Variants in EGFLAM observed in about 807,000 individuals in gnomAD.
The protein encoded by EGFLAM is EGF like, fibronectin type III and laminin G domains.
In EGFLAM, 79 loss-of-function variants were observed where a neutral mutation model predicts 113.1. The ratio of observed to expected loss-of-function variants is 0.70; its 90% CI spans 0.58 to 0.84. EGFLAM has a LOEUF of 0.84. EGFLAM is among the 40% of genes least tolerant of loss of function. The pLI, the probability that EGFLAM is intolerant of heterozygous loss-of-function variation, is 0.00. For synonymous variants in EGFLAM, 504 were observed against 487.6 expected (o/e 1.03, Z -0.44); for missense variants, 1,265 against 1,291.6 (o/e 0.98, Z 0.32).
chr5:38,417,359 A>AC lies in EGFLAM; in HGVS notation c.1495-707_1495-706insC, dbSNP rs1452322032. ...CGAGACTCTGTCTCAAAAAAAAAAA[A>AC]AAAAAAAAAACAAAAAAAAAAGGCC... On this transcript the variant is annotated intron_variant, in intron 11 of 21. Transcript: ENST00000322350. Among the ~76,000 whole-genome samples, 341 of 149,378 alleles carry AC rather than the reference A, an allele frequency of 2.3e-3. 2 individuals carry two copies. Among genetic ancestry groups the AC allele is most frequent in the African/African-American group, 8.3e-3 (328 of 39,484 alleles).
intron 11 of EGFLAM, among the ~76,000 whole-genome samples, chr5:38,414,030 C>T (rs73749228): frequency 0.15 from 23,548 of 152,138 alleles, 1,916 homozygotes; most frequent in East Asian, 0.24. Flanking sequence ...CCTTCTGCTG[C>T]GCACCCTGCT....
intron 1 of EGFLAM, among the ~76,000 whole-genome samples, chr5:38,275,066 A>C (rs1383108249): frequency 1.3e-5 from 2 of 152,186 alleles, no homozygotes; most frequent in Admixed American, 1.3e-4. Flanking sequence ...ACTCGTGGTA[A>C]CCACAGAGCA....
rs142591243 is a variant in EGFLAM, at chr5:38,354,076, T to G, written c.545+1745T>G. Among the ~76,000 whole-genome samples the G allele has an allele frequency of 4.3e-4, 66 of 152,294 alleles. 1 individual carries two copies. The East Asian group carries it at 0.012, about 28-fold the overall frequency. ...AACCTGGTGTATGTGGATTGAGTATTCAAGAGGATTGGACCCTCAAAGGAA... is the reference window on the plus strand; with the variant it reads ...AACCTGGTGTATGTGGATTGAGTATGCAAGAGGATTGGACCCTCAAAGGAA... On this transcript the variant is annotated intron_variant, in intron 5 of 21. Coordinates refer to ENST00000322350, the MANE Select transcript of EGFLAM (RefSeq NM_152403.4).
rs1202365860 is a variant in EGFLAM, at chr5:38,413,217, T to TA, written c.1494+570dup. Among the ~76,000 whole-genome samples the TA allele has an allele frequency of 3.1e-3, 431 of 140,868 alleles. 1 individual carries two copies. The highest frequency in any genetic ancestry group is 0.011 in the African/African-American group (403 of 37,056). 92.4% of individuals were successfully genotyped at this position (140,868 alleles called of 152,430 possible). ...TTTTTTTTTTTTTTTTTTGTAGAGT[T>TA]AGAGTTTCACTGTGTTGCCCAGGCT... On this transcript the variant is annotated intron_variant, in intron 11 of 21. Transcript: ENST00000322350.
chr5:38,446,464 G>A (rs1188005923), intron 17 of EGFLAM, among the ~76,000 whole-genome samples: 3 of 151,556 alleles, frequency 2.0e-5, no homozygotes, highest in African/African-American at 4.9e-5. Context: ...CTCCTTTCCC[G>A]TCCTCTTGCC....
At chr5:38,378,422 T>C (rs995775093) in intron 6 of EGFLAM, among the ~76,000 whole-genome samples, 3 of 152,136 alleles carry the variant, frequency 2.0e-5, no homozygotes, top group African/African-American at 7.2e-5. Context: ...AGATTTCCCT[T>C]ATCCCTGTTC....
chr5:38,426,488 C>G (rs534911992), intron 13 of EGFLAM, among the ~76,000 whole-genome samples: 43 of 152,180 alleles, frequency 2.8e-4, no homozygotes, highest in African/African-American at 1.0e-3. Flanking sequence ...CCTAAGATAC[C>G]ATATTGGGGA....
chr5:38,335,701 G>A (rs968184298), intron 1 of EGFLAM, among the ~76,000 whole-genome samples: 1 of 152,152 alleles, frequency 6.6e-6, no homozygotes, highest in Non-Finnish European at 1.5e-5. Context: ...ATGGGGCAGA[G>A]GGGAGCTGAC....
At chr5:38,453,711 G>A (rs915874087) in intron 19 of EGFLAM, among the ~76,000 whole-genome samples, 4 of 152,224 alleles carry the variant, frequency 2.6e-5, no homozygotes, top group South Asian at 4.2e-4. Flanking sequence ...TGGTTTTCCT[G>A]TGGTTAACCT....
intron 15 of EGFLAM, among the ~76,000 whole-genome samples, chr5:38,434,895 C>T (rs984021780): frequency 6.6e-6 from 1 of 152,124 alleles, no homozygotes; most frequent in Non-Finnish European, 1.5e-5. Flanking sequence ...ACAATGACTC[C>T]CATTTTGCAG....
chr5:38,347,806 G>A (rs1330447559), intron 3 of EGFLAM, among the ~76,000 whole-genome samples: 2 of 152,276 alleles, frequency 1.3e-5, no homozygotes, highest in East Asian at 3.9e-4. Flanking sequence ...AAGATAAGTA[G>A]TATAGCACTG....
intron 1 of EGFLAM, among the ~76,000 whole-genome samples, chr5:38,322,670 G>A (rs1288324938): frequency 6.6e-6 from 1 of 152,132 alleles, no homozygotes; most frequent in East Asian, 1.9e-4. Flanking sequence ...AATTACACTT[G>A]GGAATGATGG....
rs70978880 is a variant in EGFLAM at position 38,333,916 on chromosome 5, G to GTTTTTTTTTT, written c.98-3589_98-3580dup. On this transcript the variant is annotated intron_variant, in intron 1 of 21. Coordinates refer to ENST00000322350, the MANE Select transcript of EGFLAM (RefSeq NM_152403.4). ...TGTCTGTTTATTTTTATTGTTGAGG[G>GTTTTTTTTTT]TTTTTTTTTTTTTTTTTTTTTTTTG... Among the ~76,000 whole-genome samples the GTTTTTTTTTT allele has an allele frequency of 3.1e-4, 9 of 29,308 alleles. 1 individual carries two copies. The highest frequency in any genetic ancestry group is 1.3e-3 in the African/African-American group (8 of 6,254). 19.2% of individuals were successfully genotyped at this position (29,308 alleles called of 152,430 possible). A position where few individuals can be genotyped will look rare whatever the true frequency, so the allele number is the denominator to read the frequency against.
At position 38,269,639 on chromosome 5, in the gene EGFLAM, G is replaced by A. The variant is rs558805097; in HGVS notation, c.97+10788G>A. 2.0e-4 allele frequency among the ~76,000 whole-genome samples: 30 copies of A among 151,986 alleles called. 1 individual carries two copies. The South Asian group carries it at 4.8e-3, about 24-fold the overall frequency. The stretch of plus-strand genomic sequence containing the variant: ...CGAGTAGCTGGGACTACAGGTGCGC[G>A]CCACCATGCCCAGCTAATTTTTTAT... On this transcript the variant is annotated intron_variant, in intron 1 of 21. Coordinates refer to ENST00000322350, the MANE Select transcript of EGFLAM (RefSeq NM_152403.4).
At chr5:38,400,397 G>A (rs149104062) in intron 6 of EGFLAM, among the ~76,000 whole-genome samples, 25 of 152,152 alleles carry the variant, frequency 1.6e-4, no homozygotes, top group African/African-American at 5.1e-4. Context: ...TCTAATAAAT[G>A]TCTCCTTTTT....
chr5:38,425,120 T>C (rs1361965680), intron 13 of EGFLAM, 28 bp downstream of exon 13: 14 of 1,608,002 alleles, frequency 8.7e-6, no homozygotes, highest in Non-Finnish European at 1.2e-5. Context: ...TGAAGGCGGT[T>C]TCTATCTGCA....
intron 11 of EGFLAM, among the ~76,000 whole-genome samples, chr5:38,416,321 AG>A (rs1379011340): frequency 1.3e-5 from 2 of 152,228 alleles, no homozygotes; most frequent in Admixed American, 1.3e-4. Context: ...GGAGACGGAC[AG>A]GGAAGAAGAG....
Position 38,451,211 on chromosome 5 carries a change from C to A in EGFLAM, c.2544-104C>A, listed in dbSNP as rs546146055. On this transcript the variant is annotated intron_variant, in intron 18 of 21. Coordinates refer to ENST00000322350, the MANE Select transcript of EGFLAM (RefSeq NM_152403.4). Reference sequence around the variant, plus strand: ...GAAGTAAGTGTCAGAAAGTGCCAGACTATCCTTACATCTGGTTCCTCAGGG... The same window carrying A: ...GAAGTAAGTGTCAGAAAGTGCCAGAATATCCTTACATCTGGTTCCTCAGGG... 9.4e-6 allele frequency: 14 copies of A among 1,484,944 alleles called. 1 individual carries two copies. In the South Asian group the frequency reaches 1.7e-4, roughly 18 times the overall value. The allele number at this position is 1,484,944 out of a possible 1,614,324, so 92.0% of individuals were successfully genotyped here.
intron 1 of EGFLAM, among the ~76,000 whole-genome samples, chr5:38,294,372 T>A (rs1296440807): frequency 6.6e-6 from 1 of 152,194 alleles, no homozygotes; most frequent in Non-Finnish European, 1.5e-5. Flanking sequence ...TATATATACC[T>A]TGCTTACTAT....
Sources: allele counts gnomAD v4.1 joint callset (sites outside exome capture counted in the v4.1 genomes callset), GRCh38; gene constraint gnomAD v4.1.1; transcripts MANE v1.5; gene names NCBI Gene and HGNC (gene_info 2026-07-23, HGNC 2026-07-21).